The following PDS5B variants were observed in gnomAD, a reference collection of about 807,000 sequenced individuals.
PDS5B encodes the protein PDS5 cohesin associated factor B, also known as sister chromatid cohesion protein PDS5 homolog B.
PDS5B carries 51 observed loss-of-function variants against 184.1 expected under a neutral mutation model. The observed-to-expected ratio is 0.28, with a 90% confidence interval of 0.22 to 0.35. The LOEUF (loss-of-function observed/expected upper bound fraction) is 0.35. Among genes scored for constraint, PDS5B ranks in the 10% least tolerant of loss-of-function variants. The pLI, the probability that PDS5B is intolerant of heterozygous loss-of-function variation, is 1.00. For synonymous variants in PDS5B, 566 were observed against 569.2 expected (o/e 0.99, Z 0.08); for missense variants, 1,180 against 1,723.3 (o/e 0.68, Z 5.58).
At chr13:32,598,680 C>T (rs773760583) in intron 1 of PDS5B, among the ~76,000 whole-genome samples, 1 of 151,346 alleles carries the variant, frequency 6.6e-6, no homozygotes, top group Non-Finnish European at 1.5e-5. Context: ...CATCAGTTTT[C>T]ATTACTTTAA....
chr13:32,617,042 G>A (rs1412162653), intron 1 of PDS5B, among the ~76,000 whole-genome samples: 1 of 152,090 alleles, frequency 6.6e-6, no homozygotes, highest in Non-Finnish European at 1.5e-5. Flanking sequence ...TTTGCGTAGA[G>A]AACTCATATG....
intron 11 of PDS5B, among the ~76,000 whole-genome samples, chr13:32,685,003 C>T (rs1020351551): frequency 2.0e-5 from 3 of 152,118 alleles, no homozygotes; most frequent in Admixed American, 2.0e-4. Context: ...GTCCCAGCTA[C>T]TCGGGAGGCT....
intron 6 of PDS5B, among the ~76,000 whole-genome samples, chr13:32,664,275 G>A (rs886940839): frequency 6.6e-6 from 1 of 152,144 alleles, no homozygotes; most frequent in Admixed American, 6.5e-5. Context: ...ACACAAAATG[G>A]TGTACAGACA....
chr13:32,593,305 A>G (rs1159551422), intron 1 of PDS5B, among the ~76,000 whole-genome samples: 1 of 152,172 alleles, frequency 6.6e-6, no homozygotes, highest in Non-Finnish European at 1.5e-5. Flanking sequence ...TCCACATATA[A>G]CTTTTATTTC....
intron 14 of PDS5B, 143 bp from the exon 15 acceptor site, chr13:32,696,711 A>G (rs1263026903): frequency 1.6e-6 from 1 of 628,138 alleles, no homozygotes; most frequent in Non-Finnish European, 2.8e-6. Context: ...AGTTTAATAA[A>G]AATAGATGAA....
chr13:32,619,471 A>C (rs1300699763), intron 1 of PDS5B, among the ~76,000 whole-genome samples: 1 of 152,230 alleles, frequency 6.6e-6, no homozygotes, highest in Non-Finnish European at 1.5e-5. Context: ...AAAAATGTAG[A>C]GCACTTACCA....
intron 1 of PDS5B, among the ~76,000 whole-genome samples, chr13:32,597,843 CA>C (rs779825923): frequency 0.029 from 2,429 of 84,000 alleles, 55 homozygotes; most frequent in African/African-American, 0.089. Context: ...GACTCTGTCT[CA>C]AAAAAAAAAA....
rs551897178 is a variant in PDS5B at position 32,768,073 on chromosome 13, A to G, written c.3625-2048A>G. ...GAATCTCATCTCACATTCTGTTCTA[A>G]AACAATACACAATAATGTCTTAGTC... On this transcript the variant is annotated intron_variant, in intron 31 of 34. Coordinates refer to ENST00000315596, the MANE Select transcript of PDS5B (RefSeq NM_015032.4). Among the ~76,000 whole-genome samples the G allele has an allele frequency of 2.4e-3, 366 of 152,352 alleles. 2 individuals carry two copies. Among genetic ancestry groups the G allele is most frequent in the African/African-American group, 8.0e-3 (331 of 41,586 alleles).
intron 1 of PDS5B, among the ~76,000 whole-genome samples, chr13:32,587,296 G>T (rs1324097454): frequency 6.6e-6 from 1 of 152,008 alleles, no homozygotes; most frequent in Admixed American, 6.5e-5. Context: ...GCGCCACCCC[G>T]AGTGGTCCCC....
Position 32,732,147 on chromosome 13 carries a change from C to T in PDS5B, c.2170C>T (p.Arg724Cys), listed in dbSNP as rs767341994. Residue 724 changes from arginine to cysteine, a missense_variant, in exon 20 of 35, where the codon CGT becomes TGT. By Grantham distance (180) the Arg-to-Cys change is radical. Coordinates refer to ENST00000315596, the MANE Select transcript of PDS5B (RefSeq NM_015032.4). The stretch of plus-strand genomic sequence containing the variant: ...TCACAAATCTAAAAAAGGACCCCCC[C>T]GTCAAGCCAAATATGCCATTCATTG... ...LHHKSKKGPP[R>C]QAKYAIHCIH... The T allele has an allele frequency of 7.5e-6, 12 of 1,608,902 alleles. No homozygotes were observed. Among genetic ancestry groups the T allele is most frequent in the Admixed American group, 3.3e-5 (2 of 59,814 alleles).
At chr13:32,707,159 G>T in intron 18 of PDS5B, 120 bp downstream of exon 18, 1 of 524,200 alleles carries the variant, frequency 1.9e-6, no homozygotes, top group Non-Finnish European at 3.3e-6. Context: ...AATTTTCTCA[G>T]TTGTTTTAGA....
At chr13:32,650,135 G>C (rs1163908643) in intron 2 of PDS5B, 1 of 152,126 alleles carries the variant, frequency 6.6e-6, no homozygotes, top group Non-Finnish European at 1.5e-5. Context: ...GGACTCATGA[G>C]TTATTAATGA....
chr13:32,700,260 T>C (rs1951829851), intron 16 of PDS5B, among the ~76,000 whole-genome samples: 1 of 152,092 alleles, frequency 6.6e-6, no homozygotes, highest in Admixed American at 6.5e-5. Flanking sequence ...ATTCTTTCTT[T>C]AGGATAAATT....
intron 24 of PDS5B, among the ~76,000 whole-genome samples, chr13:32,751,239 T>A (rs1423290572): frequency 6.6e-6 from 1 of 152,240 alleles, no homozygotes; most frequent in Non-Finnish European, 1.5e-5. Context: ...CACATTTTCT[T>A]TATCCAGTGT....
chr13:32,701,740 T>C (rs1418578302), intron 17 of PDS5B, among the ~76,000 whole-genome samples: 1 of 152,134 alleles, frequency 6.6e-6, no homozygotes, highest in Non-Finnish European at 1.5e-5. Flanking sequence ...CCTAATTTTA[T>C]CTGTTAACGG....
In PDS5B at chr13:32,732,113, T is replaced by G; in HGVS notation, c.2136T>G (p.Pro712=). ...TTTTTTTTAATAGAGCCTTGCTTCC[T>G]GTTTTACATCACAAATCTAAAAAAG... ...DFPHIRSALL[P]VLHHKSKKGP... is the part of the protein sequence containing the mutation. The change falls in exon 20 of 35, where the codon CCT becomes CCG. Residue 712 remains proline, a synonymous_variant. Transcript: ENST00000315596. The G allele has an allele frequency of 1.2e-6, 2 of 1,609,344 alleles. No individual in the cohort carries two copies. The highest frequency in any genetic ancestry group is 1.7e-6 in the Non-Finnish European group (2 of 1,177,022).
At chr13:32,764,617 A>G in intron 31 of PDS5B, 23 bp downstream of exon 31, 4 of 1,285,028 alleles carry the variant, frequency 3.1e-6, no homozygotes, top group Non-Finnish European at 4.4e-6. Flanking sequence ...CATTGATTTT[A>G]TAATAATATT....
chr13:32,747,534 C>T (rs1277431918), intron 24 of PDS5B, among the ~76,000 whole-genome samples: 1 of 151,020 alleles, frequency 6.6e-6, no homozygotes, highest in Non-Finnish European at 1.5e-5. Context: ...TTGCAGTGAG[C>T]CGAGGTCGTG....
At chr13:32,732,277 A>C (rs553566692) in intron 20 of PDS5B, 53 bp downstream of exon 20, 2 of 1,227,240 alleles carry the variant, frequency 1.6e-6, no homozygotes, top group East Asian at 2.4e-5. Flanking sequence ...TTACAAAACA[A>C]ATATTGATGA....
Sources: gnomAD v4.1 joint callset for allele counts (sites outside exome capture counted in the v4.1 genomes callset) on GRCh38, gnomAD v4.1.1 for gene constraint, MANE v1.5 for transcripts, NCBI Gene and HGNC (gene_info 2026-07-23, HGNC 2026-07-21) for gene names.